Variants in NKAIN3 observed in about 807,000 individuals in gnomAD.
The protein encoded by NKAIN3 is sodium/potassium transporting ATPase interacting 3.
A neutral mutation model predicts 30.2 loss-of-function variants in NKAIN3; 25 were observed. The ratio of observed to expected loss-of-function variants is 0.83; its 90% CI spans 0.60 to 1.16. The LOEUF is 1.16. NKAIN3 is among the 50% of genes most tolerant of loss of function. The pLI, the probability that NKAIN3 is intolerant of heterozygous loss-of-function variation, is 0.00. For missense variants in NKAIN3, 225 were observed against 254.1 expected, an observed-to-expected ratio of 0.89 and a Z score of 0.78; for synonymous variants, 91 against 89.6, an observed-to-expected ratio of 1.02 and a Z score of -0.09.
chr8:62,274,948 G>A (rs1447338695), intron 1 of NKAIN3, among the ~76,000 whole-genome samples: 1 of 152,064 alleles, frequency 6.6e-6, no homozygotes, highest in African/African-American at 2.4e-5. Flanking sequence ...TGGCTGCATA[G>A]TATTCCATGG....
At chr8:62,751,593 C>T (rs1816284957) in intron 4 of NKAIN3, among the ~76,000 whole-genome samples, 1 of 152,022 alleles carries the variant, frequency 6.6e-6, no homozygotes, top group African/African-American at 2.4e-5. Flanking sequence ...TAACTATTTC[C>T]TTATCAGTAC....
intron 1 of NKAIN3, among the ~76,000 whole-genome samples, chr8:62,544,861 T>TCAAAA (rs1371893546): frequency 1.8e-4 from 28 of 152,216 alleles, no homozygotes; most frequent in Non-Finnish European, 3.4e-4. Context: ...AATAGTCATT[T>TCAAAA]AACACATATT....
At chr8:62,823,449 G>A (rs1254826141) in intron 4 of NKAIN3, among the ~76,000 whole-genome samples, 1 of 152,132 alleles carries the variant, frequency 6.6e-6, no homozygotes, top group African/African-American at 2.4e-5. Flanking sequence ...GTTCAATAAT[G>A]TTATGGAGCT....
intron 1 of NKAIN3, among the ~76,000 whole-genome samples, chr8:62,538,062 G>A (rs1011599573): frequency 9.2e-5 from 14 of 152,148 alleles, no homozygotes; most frequent in Admixed American, 6.6e-4. Flanking sequence ...TCTGAACACA[G>A]GGAAAGGGAA....
chr8:62,823,345 G>T (rs1456998638), intron 4 of NKAIN3, among the ~76,000 whole-genome samples: 1 of 151,992 alleles, frequency 6.6e-6, no homozygotes, highest in Admixed American at 6.6e-5. Context: ...ATATACAAAA[G>T]CAAGGGAAAC....
Position 62,332,158 on chromosome 8 carries a change from T to A in NKAIN3, c.54+83031T>A, listed in dbSNP as rs1585689736. 2.0e-5 allele frequency among the ~76,000 whole-genome samples: 3 copies of A among 152,258 alleles called. No homozygotes were observed. In the East Asian group the frequency reaches 5.8e-4, roughly 30 times the overall value. On this transcript the variant is annotated intron_variant, in intron 1 of 6. Coordinates refer to ENST00000623646, the MANE Select transcript of NKAIN3 (RefSeq NM_001304533.3). ...GGGAACGTGTGAAATCATAAATGCTTCAGAAATAAGATAATGTTTCTCAGT... is the reference window on the plus strand; with the variant it reads ...GGGAACGTGTGAAATCATAAATGCTACAGAAATAAGATAATGTTTCTCAGT...
intron 4 of NKAIN3, chr8:62,863,909 C>T (rs1820336045): frequency 1.6e-6 from 2 of 1,276,996 alleles, no homozygotes; most frequent in Non-Finnish European, 2.3e-6. Context: ...TCCAGGATCT[C>T]CTCCTTTGGC....
chr8:62,867,644 G>T (rs957459432), intron 4 of NKAIN3, among the ~76,000 whole-genome samples: 3 of 152,206 alleles, frequency 2.0e-5, no homozygotes, highest in Non-Finnish European at 4.4e-5. Flanking sequence ...TCAACTCAGA[G>T]GATGGGAATA....
downstream of NKAIN3, among the ~76,000 whole-genome samples, chr8:62,987,672 C>T (rs563401336): frequency 3.2e-4 from 48 of 150,904 alleles, no homozygotes; most frequent in African/African-American, 9.9e-4. Flanking sequence ...TGGGTCCCTC[C>T]TATAACACAT....
chr8:62,704,045 G>C (rs1002805780), intron 3 of NKAIN3, among the ~76,000 whole-genome samples: 1 of 152,066 alleles, frequency 6.6e-6, no homozygotes, highest in Non-Finnish European at 1.5e-5. Context: ...GTCAACTTAC[G>C]ATAATTGATT....
chr8:62,822,933 T>C (rs904981570), intron 4 of NKAIN3, among the ~76,000 whole-genome samples: 3 of 152,192 alleles, frequency 2.0e-5, no homozygotes, highest in Non-Finnish European at 4.4e-5. Context: ...CAGCATGTTA[T>C]TGTAGGCAAT....
chr8:62,350,145 T>A (rs1816136028), intron 1 of NKAIN3, among the ~76,000 whole-genome samples: 1 of 152,102 alleles, frequency 6.6e-6, no homozygotes, highest in Non-Finnish European at 1.5e-5. Context: ...GAGTTGGGAC[T>A]CAAACAGATA....
intron 4 of NKAIN3, among the ~76,000 whole-genome samples, chr8:62,751,090 C>T (rs1448375577): frequency 1.3e-5 from 2 of 152,150 alleles, no homozygotes; most frequent in African/African-American, 2.4e-5. Context: ...CCCTACTGTG[C>T]AAGGGAGGCC....
chr8:62,371,686 A>G (rs983025681), intron 1 of NKAIN3, among the ~76,000 whole-genome samples: 3 of 151,900 alleles, frequency 2.0e-5, no homozygotes, highest in Non-Finnish European at 4.4e-5. Context: ...ACGTACCTCC[A>G]TTTATTTAAT....
At chr8:62,573,167 C>T (rs1366494089) in intron 1 of NKAIN3, among the ~76,000 whole-genome samples, 1 of 152,166 alleles carries the variant, frequency 6.6e-6, no homozygotes, top group African/African-American at 2.4e-5. Flanking sequence ...CAGCCCATTC[C>T]AACCTCTCTT....
chr8:62,601,021 C>G (rs968227127), intron 3 of NKAIN3, among the ~76,000 whole-genome samples: 1 of 152,032 alleles, frequency 6.6e-6, no homozygotes, highest in East Asian at 1.9e-4. Flanking sequence ...ATATTTTAGA[C>G]CGTCAATTCA....
chr8:62,418,785 A>T (rs139731683), intron 1 of NKAIN3, among the ~76,000 whole-genome samples: 153 of 152,278 alleles, frequency 1.0e-3, no homozygotes, highest in African/African-American at 3.4e-3. Context: ...ATTGTTAAGC[A>T]GCAACCCTGA....
chr8:62,820,624 C>G (rs1246918253), intron 4 of NKAIN3, among the ~76,000 whole-genome samples: 1 of 151,978 alleles, frequency 6.6e-6, no homozygotes. Flanking sequence ...ATGAGAAGAC[C>G]GAAGGCAAAA....
intron 3 of NKAIN3, among the ~76,000 whole-genome samples, chr8:62,673,931 G>C (rs1466126973): frequency 6.6e-6 from 1 of 152,208 alleles, no homozygotes; most frequent in Non-Finnish European, 1.5e-5. Context: ...TTAAAACCTA[G>C]AAATCACCTG....
Sources: gnomAD v4.1 joint callset for allele counts (sites outside exome capture counted in the v4.1 genomes callset) on GRCh38, gnomAD v4.1.1 for gene constraint, MANE v1.5 for transcripts, NCBI Gene and HGNC (gene_info 2026-07-23, HGNC 2026-07-21) for gene names.